The following CD200R1 variants were observed in gnomAD, a reference collection of about 807,000 sequenced individuals.
CD200R1 encodes the protein cell surface glycoprotein CD200 receptor 1.
A neutral mutation model predicts 38.1 loss-of-function variants in CD200R1; 30 were observed. That is an observed-to-expected ratio of 0.79 (90% CI 0.59 to 1.07). The LOEUF (loss-of-function observed/expected upper bound fraction) is 1.07. Ranked by LOEUF, CD200R1 falls within the 50% of genes least tolerant of loss-of-function variation. The pLI, the probability that CD200R1 is intolerant of heterozygous loss-of-function variation, is 0.00. For missense variants in CD200R1, 372 were observed against 415.4 expected (o/e 0.90, Z 0.91); for synonymous variants, 128 against 152.1 (o/e 0.84, Z 1.16).
chr3:112,926,680 G>T (rs533609904), intron 5 of CD200R1, among the ~76,000 whole-genome samples: 1 of 152,196 alleles, frequency 6.6e-6, no homozygotes, highest in East Asian at 1.9e-4. Context: ...CTACACATAT[G>T]ACTTAAATGA....
intron 5 of CD200R1, 94 bp from the exon 6 acceptor site, chr3:112,925,287 C>G: frequency 1.6e-6 from 1 of 628,668 alleles, no homozygotes; most frequent in Non-Finnish European, 2.8e-6. Context: ...GCTATCAAAC[C>G]ATAAAAAGAC....
chr3:112,948,161 A>AC (rs1477613099), intron 1 of CD200R1, among the ~76,000 whole-genome samples: 1 of 151,572 alleles, frequency 6.6e-6, no homozygotes, highest in African/African-American at 2.4e-5. Flanking sequence ...AGTGCCCATC[A>AC]CCCCCCTCTT....
Position 112,925,122 on chromosome 3 carries a change from C to T in CD200R1, c.841G>A (p.Val281Met), listed in dbSNP as rs774703261. 1.7e-5 allele frequency: 28 copies of T among 1,606,742 alleles called. No homozygotes were observed. Among genetic ancestry groups the T allele is most frequent in the South Asian group, 2.2e-5 (2 of 90,590 alleles). ...ACTTTCAACAACCAAATGAATCCCA[C>T]GATGGTCAAAATAATAATAGTAAGG... ...IILTIIILTI[V>M]GFIWLLKVNG... is the part of the protein sequence containing the mutation. The change falls in exon 6 of 8, where the codon GTG becomes ATG. Residue 281 changes from valine to methionine, a missense_variant. Physicochemically the swap from Val to Met is conservative, Grantham distance 21. Transcript: ENST00000308611.
intron 1 of CD200R1, among the ~76,000 whole-genome samples, chr3:112,952,604 G>C (rs1940991097): frequency 6.6e-6 from 1 of 152,104 alleles, no homozygotes; most frequent in Non-Finnish European, 1.5e-5. Context: ...CATGGACACA[G>C]GAAGGGGAAC....
intron 1 of CD200R1, among the ~76,000 whole-genome samples, chr3:112,952,938 A>G (rs1411041961): frequency 6.6e-6 from 1 of 152,158 alleles, no homozygotes; most frequent in Non-Finnish European, 1.5e-5. Context: ...TCCTCCAGCT[A>G]GAACTTCCAG....
chr3:112,959,889 T>C (rs1932975091), intron 1 of CD200R1, among the ~76,000 whole-genome samples: 1 of 152,122 alleles, frequency 6.6e-6, no homozygotes, highest in Non-Finnish European at 1.5e-5. Flanking sequence ...TGCTTCTTTC[T>C]TGAATCTTTT....
At chr3:112,932,272 C>T (rs1416735260) in intron 2 of CD200R1, among the ~76,000 whole-genome samples, 1 of 152,110 alleles carries the variant, frequency 6.6e-6, no homozygotes, top group African/African-American at 2.4e-5. Context: ...CTGCATGGAG[C>T]CTGGGCTCAG....
chr3:112,931,273 G>T, intron 2 of CD200R1, 102 bp from the exon 3 acceptor site: 1 of 654,414 alleles, frequency 1.5e-6, no homozygotes, highest in Non-Finnish European at 2.7e-6. Flanking sequence ...TAGGCAATCA[G>T]TTAACCATAA....
chr3:112,968,020 T>G (rs1160023960), intron 1 of CD200R1, among the ~76,000 whole-genome samples: 1 of 152,234 alleles, frequency 6.6e-6, no homozygotes, highest in Non-Finnish European at 1.5e-5. Context: ...ATTTCACAAA[T>G]GAGGAAATTA....
intron 2 of CD200R1, among the ~76,000 whole-genome samples, chr3:112,946,155 T>TC (rs1019337385): frequency 1.3e-5 from 2 of 151,992 alleles, no homozygotes; most frequent in Non-Finnish European, 2.9e-5. Context: ...CCACAGATGC[T>TC]CATATCCCTT....
chr3:112,964,441 C>T (rs891236302), intron 1 of CD200R1, among the ~76,000 whole-genome samples: 2 of 152,214 alleles, frequency 1.3e-5, no homozygotes, highest in African/African-American at 4.8e-5. Context: ...CCTCTTGCAT[C>T]AGCATGACCT....
chr3:112,957,581 T>C (rs1241635003), intron 1 of CD200R1, among the ~76,000 whole-genome samples: 1 of 152,156 alleles, frequency 6.6e-6, no homozygotes, highest in Non-Finnish European at 1.5e-5. Flanking sequence ...GACTTTGACA[T>C]AGGCAAAGAT....
At chr3:112,973,498 C>T (rs1397424660) in intron 1 of CD200R1, among the ~76,000 whole-genome samples, 1 of 152,190 alleles carries the variant, frequency 6.6e-6, no homozygotes, top group Non-Finnish European at 1.5e-5. Context: ...CATTTCACCT[C>T]TCTACGCCTC....
chr3:112,922,656 C>A lies in CD200R1; in HGVS notation c.*1021G>T, dbSNP rs78442797. 1 of 151,878 alleles carries A rather than the reference C, an allele frequency of 6.6e-6. No individual in the cohort carries two copies. The highest frequency in any genetic ancestry group is 1.5e-5 in the Non-Finnish European group (1 of 67,896). 9.4% of individuals were successfully genotyped at this position (151,878 alleles called of 1,614,324 possible). On this transcript the variant is annotated 3_prime_UTR_variant, in exon 8 of 8. Coordinates refer to ENST00000308611, the MANE Select transcript of CD200R1 (RefSeq NM_138806.4). ...TTCAGAAGAAGCTAATGTTCTCACA[C>A]GTGCATTCACTCTCTTACAAACATG... is the stretch of plus-strand genomic sequence containing the variant.
chr3:112,939,969 C>T (rs1006538135), intron 2 of CD200R1, among the ~76,000 whole-genome samples: 10 of 150,940 alleles, frequency 6.6e-5, no homozygotes, highest in East Asian at 5.8e-4. Flanking sequence ...GCATAAAAAC[C>T]GACACATAGA....
At chr3:112,946,032 CAAAAAAAAAA>C (rs1208921538) in intron 2 of CD200R1, among the ~76,000 whole-genome samples, 2 of 71,854 alleles carry the variant, frequency 2.8e-5, no homozygotes, top group Non-Finnish European at 2.6e-5. Context: ...GACTCCGTCT[CAAAAAAAAAA>C]AAAAAAAAAA....
chr3:112,954,899 T>C (rs1248251788), intron 1 of CD200R1, among the ~76,000 whole-genome samples: 1 of 152,208 alleles, frequency 6.6e-6, no homozygotes, highest in Non-Finnish European at 1.5e-5. Context: ...CCGAGTCTTA[T>C]AGCCAGTCAG....
chr3:112,974,778 A>G lies in CD200R1; in HGVS notation c.67+13T>C. On this transcript the variant is annotated intron_variant, in intron 1 of 7. Coordinates refer to ENST00000308611, the MANE Select transcript of CD200R1 (RefSeq NM_138806.4). ...GGTTTCTCACTGTTCTCCCAAAGAG[A>G]ATTCAAACTTACCGGCCACTAAGAA... The G allele has an allele frequency of 1.3e-6, 2 of 1,579,868 alleles. No homozygotes were observed. Among genetic ancestry groups the G allele is most frequent in the Non-Finnish European group, 1.7e-6 (2 of 1,148,938 alleles).
chr3:112,930,822 A>G (rs1940412582), intron 3 of CD200R1, among the ~76,000 whole-genome samples: 1 of 152,200 alleles, frequency 6.6e-6, no homozygotes, highest in African/African-American at 2.4e-5. Flanking sequence ...ACATAACTAG[A>G]TGAAGAAAGA....
Sources: allele counts gnomAD v4.1 joint callset (sites outside exome capture counted in the v4.1 genomes callset), GRCh38; gene constraint gnomAD v4.1.1; transcripts MANE v1.5; gene names NCBI Gene and HGNC (gene_info 2026-07-23, HGNC 2026-07-21).